Variants in RPS27A observed in about 807,000 individuals in gnomAD.
The protein encoded by RPS27A is ubiquitin-ribosomal protein eS31 fusion protein.
Under a neutral mutation model 18.9 loss-of-function variants are expected in RPS27A, and 1 was observed. That is an observed-to-expected ratio of 0.05 (90% CI 0.02 to 0.25). The LOEUF (loss-of-function observed/expected upper bound fraction) is 0.25. Among genes scored for constraint, RPS27A ranks in the 10% least tolerant of loss-of-function variants. RPS27A has a pLI of 1.00. For missense variants in RPS27A, 123 were observed against 187.4 expected, an observed-to-expected ratio of 0.66 and a Z score of 2.01; for synonymous variants, 77 against 63.7, an observed-to-expected ratio of 1.21 and a Z score of -0.99.
chr2:55,233,266 T>C, intron 2 of RPS27A, 97 bp from the exon 3 acceptor site: 2 of 1,041,150 alleles, frequency 1.9e-6, no homozygotes, highest in Non-Finnish European at 3.0e-6. Context: ...GTCTCAGCCC[T>C]GTCGCTGGTT....
Position 55,232,909 on chromosome 2 carries a change from A to ACC in RPS27A, c.48+37_48+38insCC, listed in dbSNP as rs1232102717. ...GTGGTCATGAGGAAGCCAAGGTCCG[A>ACC]ATAAGGTCCTGAGGTGGATTTTAGG... is the stretch of plus-strand genomic sequence containing the variant. On this transcript the variant is annotated intron_variant, in intron 2 of 5. Coordinates refer to ENST00000272317, the MANE Select transcript of RPS27A (RefSeq NM_002954.6). 4 of 1,560,334 alleles carry ACC rather than the reference A, an allele frequency of 2.6e-6. No homozygotes were observed. In the African/African-American group the frequency reaches 5.4e-5, roughly 21 times the overall value.
chr2:55,232,711 G>C lies in RPS27A; in HGVS notation c.-18+3G>C, dbSNP rs541465416. The stretch of plus-strand genomic sequence containing the variant: ...TCCTTTTCGATCCGCCATCTGCGGT[G>C]GGTGTCTGCACTTCGGCTGCTCTCG... On this transcript the variant is annotated splice_donor_region_variant and intron_variant, in intron 1 of 5. Coordinates refer to ENST00000272317, the MANE Select transcript of RPS27A (RefSeq NM_002954.6). 25 of 916,182 alleles carry C rather than the reference G, an allele frequency of 2.7e-5. No individual in the cohort carries two copies. The highest frequency in any genetic ancestry group is 2.4e-4 in the African/African-American group (15 of 61,292). The allele number at this position is 916,182 out of a possible 1,614,324, so 56.8% of individuals were successfully genotyped here. A position where few individuals can be genotyped will look rare whatever the true frequency, so the allele number is the denominator to read the frequency against.
At chr2:55,234,705 G>C in intron 4 of RPS27A, 126 bp from the exon 5 acceptor site, 1 of 1,053,160 alleles carries the variant, frequency 9.5e-7, no homozygotes, top group Non-Finnish European at 1.4e-6. Context: ...TATTGGGTTT[G>C]GGGGCTGCAA....
At chr2:55,235,219 C>T in intron 5 of RPS27A, 1 of 700,646 alleles carries the variant, frequency 1.4e-6, no homozygotes, top group Non-Finnish European at 2.4e-6. Flanking sequence ...CTACCACTTG[C>T]AAAGCTGGCC....
chr2:55,233,347 A>G lies in RPS27A; in HGVS notation c.49-16A>G. The G allele has an allele frequency of 6.2e-7, 1 of 1,606,484 alleles. No homozygotes were observed. The highest frequency in any genetic ancestry group is 8.5e-7 in the Non-Finnish European group (1 of 1,173,040). ...CTTAATGTGTAACCAACATGCTTTC[A>G]CTTTAACACTCATAGGTTGAACCCT... On this transcript the variant is annotated splice_polypyrimidine_tract_variant and intron_variant, in intron 2 of 5. Transcript: ENST00000272317.
intron 4 of RPS27A, chr2:55,234,452 G>A (rs1463808051): frequency 7.0e-6 from 4 of 569,456 alleles, no homozygotes; most frequent in Admixed American, 3.0e-5. Context: ...TCTTCCCACC[G>A]TGGCCTCCCA....
At chr2:55,232,523 G>A, upstream of RPS27A, 1 of 501,114 alleles carries the variant, frequency 2.0e-6, no homozygotes, top group South Asian at 2.1e-5. Flanking sequence ...GCTAAAGTGA[G>A]AAATAAGCCC....
intron 3 of RPS27A, 164 bp downstream of exon 3, chr2:55,233,581 C>G: frequency 1.5e-6 from 1 of 662,596 alleles, no homozygotes; most frequent in South Asian, 1.7e-5. Flanking sequence ...GAGCACAGTA[C>G]CTAGATTGGA....
rs899942368 is a variant in RPS27A at position 55,234,521 on chromosome 2, CAAAAAGG to C, written c.190-309_190-303del. 6 of 544,658 alleles carry C rather than the reference CAAAAAGG, an allele frequency of 1.1e-5. No individual in the cohort carries two copies. The African/African-American group carries it at 1.1e-4, about 10-fold the overall frequency. The allele number at this position is 544,658 out of a possible 1,614,324, so 33.7% of individuals were successfully genotyped here. A position where few individuals can be genotyped will look rare whatever the true frequency, so the allele number is the denominator to read the frequency against. On this transcript the variant is annotated intron_variant, in intron 4 of 5. Transcript: ENST00000272317. ...GGTGTATTCTGGACATTTTGACACA[CAAAAAGG>C]GAAAATGGCATTCGAATAGCAGTAG...
chr2:55,235,103 G>A, intron 5 of RPS27A, 141 bp downstream of exon 5: 6 of 928,656 alleles, frequency 6.5e-6, no homozygotes, highest in Non-Finnish European at 9.9e-6. Context: ...TTCTGGAAAT[G>A]AGAAATTCAG....
Position 55,235,696 on chromosome 2 carries a change from G to T in RPS27A, c.*119G>T, listed in dbSNP as rs146159099. ...ACCATTTCCTTTTAGTAGTGCTACTGCTATCGCTGTGTGAATGTTGCCTCT... is the reference window on the plus strand; with the variant it reads ...ACCATTTCCTTTTAGTAGTGCTACTTCTATCGCTGTGTGAATGTTGCCTCT... On this transcript the variant is annotated 3_prime_UTR_variant, in exon 6 of 6. Transcript: ENST00000272317. 515 of 1,151,660 alleles carry T rather than the reference G, an allele frequency of 4.5e-4. 4 individuals are homozygous for T. The African/African-American group carries it at 7.0e-3, about 16-fold the overall frequency. 71.3% of individuals were successfully genotyped at this position (1,151,660 alleles called of 1,614,324 possible).
In RPS27A at chr2:55,234,978, G is replaced by T. The variant is rs1316284505; in HGVS notation, c.321+16G>T. 1 of 1,612,186 alleles carries T rather than the reference G, an allele frequency of 6.2e-7. No individual in the cohort carries two copies. Among genetic ancestry groups the T allele is most frequent in the South Asian group, 1.1e-5 (1 of 90,992 alleles). ...ATATTATAAGGTGAGCCAGTTAAAG[G>T]GCAGAATGTCAGCAAAGTCTTGGCT... is the stretch of plus-strand genomic sequence containing the variant. On this transcript the variant is annotated intron_variant, in intron 5 of 5. Transcript: ENST00000272317.
intron 5 of RPS27A, 128 bp downstream of exon 5, chr2:55,235,090 G>T: frequency 2.9e-6 from 3 of 1,038,990 alleles, no homozygotes; most frequent in South Asian, 1.4e-5. Context: ...TTTAAATGAG[G>T]TATTCTGGAA....
At chr2:55,233,552 A>T in intron 3 of RPS27A, 135 bp downstream of exon 3, 2 of 713,030 alleles carry the variant, frequency 2.8e-6, no homozygotes, top group South Asian at 3.0e-5. Flanking sequence ...GAATAACACA[A>T]TAGACATTGG....
At chr2:55,234,735 G>C in intron 4 of RPS27A, 96 bp from the exon 5 acceptor site, 2 of 1,395,112 alleles carry the variant, frequency 1.4e-6, no homozygotes, top group Non-Finnish European at 2.0e-6. Context: ...AAATGTTATT[G>C]TGTGCTGCTA....
At chr2:55,233,291 T>C in intron 2 of RPS27A, 72 bp from the exon 3 acceptor site, 2 of 1,271,860 alleles carry the variant, frequency 1.6e-6, no homozygotes, top group Non-Finnish European at 2.3e-6. Context: ...TCAGTGGTAA[T>C]TGTCAAACTA....
Position 55,235,603 on chromosome 2 carries a change from A to G in RPS27A, c.*26A>G. Reference sequence around the variant, plus strand: ...CTGTATGAGTTAATAAAAGACATGAACTAACATTTATTGTTGGGTTTTATT... The same window carrying G: ...CTGTATGAGTTAATAAAAGACATGAGCTAACATTTATTGTTGGGTTTTATT... On this transcript the variant is annotated 3_prime_UTR_variant, in exon 6 of 6. Transcript: ENST00000272317. 2 of 1,597,920 alleles carry G rather than the reference A, an allele frequency of 1.3e-6. No homozygotes were observed. The highest frequency in any genetic ancestry group is 1.7e-6 in the Non-Finnish European group (2 of 1,179,202).
chr2:55,235,614 T>C lies in RPS27A; in HGVS notation c.*37T>C. On this transcript the variant is annotated 3_prime_UTR_variant, in exon 6 of 6. Coordinates refer to ENST00000272317, the MANE Select transcript of RPS27A (RefSeq NM_002954.6). ...AATAAAAGACATGAACTAACATTTA[T>C]TGTTGGGTTTTATTGCAGTAAAAAG... is the stretch of plus-strand genomic sequence containing the variant. 6.3e-7 allele frequency: 1 copy of C among 1,596,446 alleles called. No homozygotes were observed. Among genetic ancestry groups the C allele is most frequent in the Non-Finnish European group, 8.5e-7 (1 of 1,178,372 alleles).
At chr2:55,233,548 C>CA in intron 3 of RPS27A, 131 bp downstream of exon 3, 1 of 715,560 alleles carries the variant, frequency 1.4e-6, no homozygotes, top group Non-Finnish European at 2.6e-6. Context: ...TGTGGAATAA[C>CA]ACAATAGACA....
Sources: gnomAD v4.1 joint callset for allele counts on GRCh38, gnomAD v4.1.1 for gene constraint, MANE v1.5 for transcripts, NCBI Gene and HGNC (gene_info 2026-07-23, HGNC 2026-07-21) for gene names.